MAEA: variants seen among roughly 807,000 people sequenced by gnomAD.
MAEA encodes the protein E3 ubiquitin-protein transferase MAEA.
A neutral mutation model predicts 46.2 loss-of-function variants in MAEA; 22 were observed. That is an observed-to-expected ratio of 0.48 (90% CI 0.34 to 0.68). The LOEUF (loss-of-function observed/expected upper bound fraction) is 0.68. Ranked by LOEUF, MAEA falls within the 30% of genes least tolerant of loss-of-function variation. The pLI is 0.01. For missense variants in MAEA, 393 were observed against 558.1 expected (o/e 0.70, Z 2.98); for synonymous variants, 246 against 222.6 (o/e 1.11, Z -0.94).
intron 7 of MAEA, 96 bp from the exon 8 acceptor site, chr4:1,338,326 G>A (rs1713068784): frequency 1.0e-6 from 1 of 959,022 alleles, no homozygotes; most frequent in Non-Finnish European, 1.6e-6. Context: ...CACATAGCCA[G>A]AAGGGCACGC....
intron 1 of MAEA, among the ~76,000 whole-genome samples, chr4:1,290,472 C>T (rs1370494543): frequency 1.3e-5 from 2 of 152,178 alleles, no homozygotes; most frequent in Admixed American, 6.5e-5. Flanking sequence ...ATGGGCGTCA[C>T]CAAACCTGAA....
intron 1 of MAEA, among the ~76,000 whole-genome samples, chr4:1,291,873 G>C (rs760065400): frequency 2.0e-5 from 3 of 152,172 alleles, no homozygotes; most frequent in Non-Finnish European, 2.9e-5. Context: ...AAATATTATA[G>C]TGTCATAATT....
At chr4:1,290,101 C>G in intron 1 of MAEA, 119 bp downstream of exon 1, 1 of 577,448 alleles carries the variant, frequency 1.7e-6, no homozygotes, top group Admixed American at 5.0e-5. Flanking sequence ...TGGGCGCGGC[C>G]TCGCGGGGCC....
At chr4:1,292,778 G>A (rs139429927) in intron 1 of MAEA, among the ~76,000 whole-genome samples, 12 of 152,198 alleles carry the variant, frequency 7.9e-5, no homozygotes, top group South Asian at 4.1e-4. Context: ...TCAGCCTTGC[G>A]TCCTGGCTGT....
chr4:1,332,610 G>A (rs1447119756), intron 5 of MAEA, 147 bp from the exon 6 acceptor site: 8 of 588,062 alleles, frequency 1.4e-5, no homozygotes, highest in Admixed American at 1.2e-4. Flanking sequence ...TCAGCTTCTC[G>A]GGAAGATCGC....
chr4:1,290,583 C>T (rs1734001155), intron 1 of MAEA, among the ~76,000 whole-genome samples: 1 of 152,210 alleles, frequency 6.6e-6, no homozygotes, highest in South Asian at 2.1e-4. Context: ...GTAGAAGGAG[C>T]CGATACTTGT....
chr4:1,324,389 GATGCC>G (rs1738537725), intron 4 of MAEA, among the ~76,000 whole-genome samples: 1 of 151,464 alleles, frequency 6.6e-6, no homozygotes, highest in African/African-American at 2.4e-5. Context: ...GTTGAGGTTG[GATGCC>G]TGGTGGATGA....
Position 1,317,924 on chromosome 4 carries a change from G to A in MAEA, c.456+2324G>A, listed in dbSNP as rs73190252. The stretch of plus-strand genomic sequence containing the variant: ...GGGTCGTCTGTGATGCCTCTGCCGT[G>A]CTGCCCACTGGGCTGCTGTGGCCCC... On this transcript the variant is annotated intron_variant, in intron 3 of 8. Coordinates refer to ENST00000303400, the MANE Select transcript of MAEA (RefSeq NM_001017405.3). Among the ~76,000 whole-genome samples the A allele has an allele frequency of 3.2e-3, 483 of 152,308 alleles. 4 individuals carry two copies. The highest frequency in any genetic ancestry group is 3.8e-3 in the Non-Finnish European group (257 of 68,018).
rs542640742 is a variant in MAEA, at chr4:1,308,724, G to A, written c.70-3255G>A. ...CCATTGGTTTATCTTCTCTGTACAA[G>A]TGTCTAAGTCCTTCACCCATTTTAA... On this transcript the variant is annotated intron_variant, in intron 1 of 8. Transcript: ENST00000303400. Among the ~76,000 whole-genome samples the A allele has an allele frequency of 2.0e-5, 3 of 152,360 alleles. No homozygotes were observed. In the South Asian group the frequency reaches 6.2e-4, roughly 32 times the overall value.
intron 1 of MAEA, among the ~76,000 whole-genome samples, chr4:1,310,829 G>C (rs1467327093): frequency 6.6e-6 from 1 of 152,220 alleles, no homozygotes; most frequent in Admixed American, 6.5e-5. Flanking sequence ...CTGCTTTCGG[G>C]GGGAAAGTGA....
At chr4:1,308,712 T>G (rs1160579797) in intron 1 of MAEA, among the ~76,000 whole-genome samples, 1 of 152,252 alleles carries the variant, frequency 6.6e-6, no homozygotes, top group Non-Finnish European at 1.5e-5. Flanking sequence ...TTGGTTTATC[T>G]TCTCTGTACA....
At chr4:1,321,867 TTTG>T (rs1253730212) in intron 3 of MAEA, among the ~76,000 whole-genome samples, 12 of 141,140 alleles carry the variant, frequency 8.5e-5, no homozygotes, top group African/African-American at 3.4e-4. Context: ...CTCTGTTTTT[TTTG>T]TTGTTTTTTT....
chr4:1,294,042 G>A (rs994031333), intron 1 of MAEA, among the ~76,000 whole-genome samples: 13 of 152,268 alleles, frequency 8.5e-5, no homozygotes, highest in African/African-American at 3.1e-4. Context: ...GGACCCTGGT[G>A]ATGCCGTGTC....
Position 1,291,096 on chromosome 4 carries a change from C to T in MAEA, c.69+1114C>T, listed in dbSNP as rs75338067. 3.1e-4 allele frequency among the ~76,000 whole-genome samples: 47 copies of T among 152,232 alleles called. 1 individual carries two copies. In the East Asian group the frequency reaches 5.6e-3, roughly 18 times the overall value. On this transcript the variant is annotated intron_variant, in intron 1 of 8. Transcript: ENST00000303400. ...TAGCGCTGCTGAAGTCAGGCTGTAC[C>T]CTGCTGTAGCTGGTCTTCATAGGAA...
rs551139179 is a variant in MAEA at position 1,328,127 on chromosome 4, C to T, written c.656+424C>T. Among the ~76,000 whole-genome samples the T allele has an allele frequency of 3.3e-5, 5 of 152,396 alleles. No individual in the cohort carries two copies. The South Asian group carries it at 1.0e-3, about 32-fold the overall frequency. On this transcript the variant is annotated intron_variant, in intron 5 of 8. Coordinates refer to ENST00000303400, the MANE Select transcript of MAEA (RefSeq NM_001017405.3). ...GTCCTGAGCTTGGGAATGTCCCTCA[C>T]AGTCATCGGGGAATGTTGACAGCGT...
At position 1,338,423 on chromosome 4, in the gene MAEA, C is replaced by G; in HGVS notation, c.901C>G (p.Gln301Glu). Residue 301 changes from glutamine (Q) to glutamate (E), a missense_variant and splice_region_variant, in exon 8 of 9, where the codon CAG becomes GAG. Around this residue, in one of 2 missense-constraint regions of MAEA, gnomAD observed 358 missense variants for 537.9 expected, o/e 0.67. Transcript: ENST00000303400. The part of the protein sequence containing the change: ...QAGLSAIKTP[Q>E]CYKEDGSSKS... ...ACCCTTCCTTGACCCGATGCTCAGA[C>G]AGTGCTACAAGGAGGACGGCAGCTC... 2 of 1,608,174 alleles carry G rather than the reference C, an allele frequency of 1.2e-6. No homozygotes were observed. The highest frequency in any genetic ancestry group is 1.7e-6 in the Non-Finnish European group (2 of 1,176,164).
At chr4:1,313,292 C>T (rs183223740) in intron 2 of MAEA, among the ~76,000 whole-genome samples, 115 of 152,332 alleles carry the variant, frequency 7.5e-4, no homozygotes, top group African/African-American at 2.4e-3. Context: ...TCAAGTACAA[C>T]GTCCAGCACA....
intron 4 of MAEA, among the ~76,000 whole-genome samples, chr4:1,324,773 T>C (rs1364446055): frequency 1.4e-5 from 2 of 146,596 alleles, no homozygotes; most frequent in Non-Finnish European, 3.0e-5. Flanking sequence ...TGAGTGTGTC[T>C]GGTGTTGGAT....
At chr4:1,329,832 ATGTCTCC>A in intron 5 of MAEA, 1 of 985,418 alleles carries the variant, frequency 1.0e-6, no homozygotes, top group Non-Finnish European at 1.2e-6. Context: ...GCCTGGCCAC[ATGTCTCC>A]TGAGGGCTCC....
Sources: gnomAD v4.1 joint callset for allele counts (sites outside exome capture counted in the v4.1 genomes callset) on GRCh38, gnomAD v4.1.1 for gene constraint, gnomAD v4.1.1 regional missense constraint, MANE v1.5 for transcripts, NCBI Gene and HGNC (gene_info 2026-07-23, HGNC 2026-07-21) for gene names.